Variants in LRRC37A2 observed in about 807,000 individuals in gnomAD.
LRRC37A2 encodes leucine-rich repeat-containing protein 37A2.
LRRC37A2 carries 9 observed loss-of-function variants against 68.8 expected under a neutral mutation model. The ratio of observed to expected loss-of-function variants is 0.13; its 90% confidence interval spans 0.08 to 0.23. LRRC37A2 has a LOEUF of 0.23. Ranked by LOEUF, LRRC37A2 falls within the 10% of genes least tolerant of loss-of-function variation. The pLI, the probability that LRRC37A2 is intolerant of heterozygous loss-of-function variation, is 1.00. For synonymous variants in LRRC37A2, 63 were observed against 367.6 expected, an observed-to-expected ratio of 0.17 and a Z score of 9.48; for missense variants, 168 against 950.4, an observed-to-expected ratio of 0.18 and a Z score of 10.82.
chr17:46,825,776 C>G, the LRRC37A2 span, among the ~76,000 whole-genome samples: 1 of 152,234 alleles, frequency 6.6e-6, no homozygotes, highest in African/African-American at 2.4e-5. Flanking sequence ...ATAATCCCAG[C>G]ACTTTGGGAG....
the LRRC37A2 span, among the ~76,000 whole-genome samples, chr17:46,642,509 TCTTGAGAATTTTTA>T: frequency 3.0e-5 from 4 of 134,822 alleles, no homozygotes; most frequent in Non-Finnish European, 4.5e-5. Context: ...ATTTTTGTCC[TCTTGAGAATTTTTA>T]AACATGAGTT....
the LRRC37A2 span, among the ~76,000 whole-genome samples, chr17:46,750,394 A>AT: frequency 1.3e-5 from 2 of 152,066 alleles, no homozygotes; most frequent in African/African-American, 4.8e-5. Context: ...CAGATTTCAG[A>AT]TTTTTTCAGA....
the LRRC37A2 span, among the ~76,000 whole-genome samples, chr17:46,882,155 C>G: frequency 6.6e-6 from 1 of 152,204 alleles, no homozygotes; most frequent in Middle Eastern, 3.4e-3. Flanking sequence ...GACCCTGTCT[C>G]TAAAAAATTA....
At chr17:46,954,522 T>A in the LRRC37A2 span, among the ~76,000 whole-genome samples, 2 of 152,206 alleles carry the variant, frequency 1.3e-5, no homozygotes, top group Non-Finnish European at 2.9e-5. Flanking sequence ...CTTTTTTGGT[T>A]CCATATGAAC....
chr17:46,989,672 T>C, the LRRC37A2 span, among the ~76,000 whole-genome samples: 2 of 150,390 alleles, frequency 1.3e-5, no homozygotes, highest in African/African-American at 2.4e-5. Context: ...TGATTGGCTT[T>C]GGCCAGTGGG....
the LRRC37A2 span, among the ~76,000 whole-genome samples, chr17:46,749,197 G>T: frequency 3.3e-5 from 5 of 152,104 alleles, no homozygotes; most frequent in Non-Finnish European, 5.9e-5. Context: ...AACTGAGAAT[G>T]GTAGCATAAG....
At chr17:46,548,025 G>T in intron 9 of LRRC37A2, 4 of 69,630 alleles carry the variant, frequency 5.7e-5, no homozygotes, top group Admixed American at 2.7e-4. Flanking sequence ...CTTTGACTGA[G>T]CACTGGGCAA....
At chr17:47,049,076 G>C in the LRRC37A2 span, 1 of 685,060 alleles carries the variant, frequency 1.5e-6, no homozygotes, top group Non-Finnish European at 2.6e-6. Context: ...GGGTGTGTGT[G>C]TCTCCTCTCT....
the LRRC37A2 span, chr17:46,922,838 G>A: frequency 2.8e-6 from 1 of 359,928 alleles, no homozygotes; most frequent in Non-Finnish European, 5.1e-6. Context: ...GCAGAGAACA[G>A]CAGATGATAG....
the LRRC37A2 span, among the ~76,000 whole-genome samples, chr17:47,030,085 A>ATC: frequency 2.0e-5 from 1 of 49,566 alleles, no homozygotes; most frequent in Non-Finnish European, 4.2e-5. Context: ...TAATAATAAT[A>ATC]ATAATCATCA....
At chr17:46,930,047 ATTT>A in the LRRC37A2 span, 12 of 124,074 alleles carry the variant, frequency 9.7e-5, no homozygotes, top group South Asian at 7.6e-4. Context: ...GTTTTTTTTC[ATTT>A]TTTTTTTTTT....
At chr17:46,534,549 G>A (rs1350149425) in intron 6 of LRRC37A2, among the ~76,000 whole-genome samples, 2 of 147,822 alleles carry the variant, frequency 1.4e-5, no homozygotes, top group Non-Finnish European at 3.0e-5. Context: ...CAAGGCAGAA[G>A]AATTTTTCTT....
chr17:46,906,313 C>T, the LRRC37A2 span, among the ~76,000 whole-genome samples: 1 of 152,202 alleles, frequency 6.6e-6, no homozygotes, highest in Non-Finnish European at 1.5e-5. Flanking sequence ...AAAGGACTTC[C>T]CTGAACTAAC....
the LRRC37A2 span, among the ~76,000 whole-genome samples, chr17:46,857,398 C>A: frequency 6.6e-6 from 1 of 150,598 alleles, no homozygotes; most frequent in Non-Finnish European, 1.5e-5. Flanking sequence ...TCACTTGAAC[C>A]CAGGAGGCAG....
At chr17:46,762,073 C>T in the LRRC37A2 span, among the ~76,000 whole-genome samples, 1 of 152,220 alleles carries the variant, frequency 6.6e-6, no homozygotes, top group Non-Finnish European at 1.5e-5. Context: ...AATTTTCAGT[C>T]AAGTTTCATT....
the LRRC37A2 span, chr17:47,022,029 T>C: frequency 1.7e-5 from 18 of 1,036,542 alleles, no homozygotes; most frequent in Non-Finnish European, 2.5e-5. Context: ...TTCTCCTCCA[T>C]GCCCCAAATC....
At chr17:46,967,341 C>A in the LRRC37A2 span, among the ~76,000 whole-genome samples, 5 of 152,202 alleles carry the variant, frequency 3.3e-5, no homozygotes, top group South Asian at 8.3e-4. Flanking sequence ...AAAATGGTAA[C>A]AGGAGAGTTA....
the LRRC37A2 span, chr17:46,729,023 A>G: frequency 1.2e-6 from 1 of 800,998 alleles, no homozygotes. Flanking sequence ...TAAGCAGGTT[A>G]TCATAAACAT....
the LRRC37A2 span, among the ~76,000 whole-genome samples, chr17:46,496,410 A>C: frequency 2.8e-5 from 4 of 145,440 alleles, no homozygotes; most frequent in Admixed American, 6.8e-5. Flanking sequence ...TCGAGTCCAG[A>C]CTGGACAACA....
Sources: allele counts gnomAD v4.1 joint callset (sites outside exome capture counted in the v4.1 genomes callset), GRCh38; gene constraint gnomAD v4.1.1; transcripts MANE v1.5; gene names NCBI Gene and HGNC (gene_info 2026-07-23, HGNC 2026-07-21).